SLC50A1: variants seen among roughly 807,000 people sequenced by gnomAD.
SLC50A1 encodes the protein sugar transporter SWEET1.
SLC50A1 carries 22 observed loss-of-function variants against 28.9 expected under a neutral mutation model. The observed-to-expected ratio is 0.76, with a 90% CI of 0.54 to 1.09. SLC50A1 has a LOEUF of 1.09. SLC50A1 is among the 50% of genes least tolerant of loss of function. SLC50A1 has a pLI of 0.00. For missense variants in SLC50A1, 233 were observed against 273.4 expected (o/e 0.85, Z 1.04); for synonymous variants, 96 against 110.6 (o/e 0.87, Z 0.83).
intron 2 of SLC50A1, 185 bp downstream of exon 2, chr1:155,136,561 G>A (rs1488393018): frequency 1.4e-6 from 1 of 691,906 alleles, no homozygotes; most frequent in African/African-American, 1.8e-5. Context: ...GGCTAACACG[G>A]TGAAACCCCG....
In SLC50A1 at chr1:155,138,779, G is replaced by A. The variant is rs753589826; in HGVS notation, c.*498G>A. 1.7e-4 allele frequency: 29 copies of A among 175,088 alleles called. No homozygotes were observed. Among genetic ancestry groups the A allele is most frequent in the South Asian group, 1.0e-3 (9 of 8,706 alleles). The allele number at this position is 175,088 out of a possible 1,614,324, so 10.8% of individuals were successfully genotyped here. ...GTGGAGGTTGCAGTGAGCTGAGATC[G>A]TGCCATTGTGATATGAATATGCCTT... On this transcript the variant is annotated 3_prime_UTR_variant, in exon 6 of 6. Coordinates refer to ENST00000368404, the MANE Select transcript of SLC50A1 (RefSeq NM_018845.4).
chr1:155,136,185 A>AGGGGG, intron 1 of SLC50A1, 114 bp from the exon 2 acceptor site: 1 of 208,940 alleles, frequency 4.8e-6, no homozygotes, highest in Non-Finnish European at 9.4e-6. Flanking sequence ...GGCGGGGGGG[A>AGGGGG]GAGGGGGCGG....
intron 2 of SLC50A1, 73 bp downstream of exon 2, chr1:155,136,449 G>A: frequency 3.5e-6 from 5 of 1,447,998 alleles, no homozygotes; most frequent in Middle Eastern, 1.8e-4. Context: ...AGGAGCAAGA[G>A]TGAAAGAGGT....
At chr1:155,136,183 G>T (rs1281351769) in intron 1 of SLC50A1, 116 bp from the exon 2 acceptor site, 1 of 637,016 alleles carries the variant, frequency 1.6e-6, no homozygotes. Context: ...CTGGCGGGGG[G>T]GAGAGGGGGC....
chr1:155,138,323 A>G lies in SLC50A1; in HGVS notation c.*42A>G, dbSNP rs747786757. Reference sequence around the variant, plus strand: ...ACTGGGCACCTTAGTGCCAACCTGAACCAAAGAGACCTCCTTGTTTCAGCT... The same window carrying G: ...ACTGGGCACCTTAGTGCCAACCTGAGCCAAAGAGACCTCCTTGTTTCAGCT... On this transcript the variant is annotated 3_prime_UTR_variant, in exon 6 of 6. Coordinates refer to ENST00000368404, the MANE Select transcript of SLC50A1 (RefSeq NM_018845.4). 2 of 1,583,946 alleles carry G rather than the reference A, an allele frequency of 1.3e-6. No individual in the cohort carries two copies. The highest frequency in any genetic ancestry group is 1.7e-6 in the Non-Finnish European group (2 of 1,157,254).
chr1:155,138,254 C>G lies in SLC50A1; in HGVS notation c.639C>G (p.Asp213Glu), dbSNP rs1571699832. The G allele has an allele frequency of 1.2e-6, 2 of 1,614,150 alleles. No homozygotes were observed. Among genetic ancestry groups the G allele is most frequent in the East Asian group, 2.2e-5 (1 of 44,878 alleles). Reference sequence around the variant, plus strand: ...TCTGGAAGTACCCCCAGGAGCAAGACAGGAACTACTGGCTCCTGCAAACCT... The same window carrying G: ...TCTGGAAGTACCCCCAGGAGCAAGAGAGGAACTACTGGCTCCTGCAAACCT... The part of the protein sequence containing the change: ...WLFWKYPQEQ[D>E]RNYWLLQT Residue 213 changes from aspartate to glutamate, a missense_variant, in exon 6 of 6, where the codon GAC (aspartate) becomes GAG (glutamate). Asp to Glu is a conservative substitution (Grantham distance 45, BLOSUM62 2). Coordinates refer to ENST00000368404, the MANE Select transcript of SLC50A1 (RefSeq NM_018845.4).
chr1:155,138,360 C>T lies in SLC50A1; in HGVS notation c.*79C>T. The T allele has an allele frequency of 7.4e-7, 1 of 1,350,334 alleles. No homozygotes were observed. The highest frequency in any genetic ancestry group is 1.2e-5 in the South Asian group (1 of 82,072). 83.6% of individuals were successfully genotyped at this position (1,350,334 alleles called of 1,614,324 possible). ...TCCTTGTTTCAGCTGGGCCTGCTGTCCAGCTTCCCAGGTGCAGTGGGTTGT... is the reference window on the plus strand; with the variant it reads ...TCCTTGTTTCAGCTGGGCCTGCTGTTCAGCTTCCCAGGTGCAGTGGGTTGT... On this transcript the variant is annotated 3_prime_UTR_variant, in exon 6 of 6. Transcript: ENST00000368404.
In SLC50A1 at chr1:155,138,263, C is replaced by T. The variant is rs201555499; in HGVS notation, c.648C>T (p.Tyr216=). ...WKYPQEQDRN[Y]WLLQT is the part of the protein sequence containing the mutation. The stretch of plus-strand genomic sequence containing the variant: ...ACCCCCAGGAGCAAGACAGGAACTA[C>T]TGGCTCCTGCAAACCTGAGGCTGCT... Residue 216 remains tyrosine (Y), a synonymous_variant, in exon 6 of 6, where the codon TAC becomes TAT. Coordinates refer to ENST00000368404, the MANE Select transcript of SLC50A1 (RefSeq NM_018845.4). 6.2e-7 allele frequency: 1 copy of T among 1,614,142 alleles called. No individual in the cohort carries two copies. Among genetic ancestry groups the T allele is most frequent in the East Asian group, 2.2e-5 (1 of 44,882 alleles).
chr1:155,136,751 A>G, intron 2 of SLC50A1, 77 bp from the exon 3 acceptor site: 1 of 1,561,458 alleles, frequency 6.4e-7, no homozygotes, highest in Middle Eastern at 1.7e-4. Context: ...TCAAAAAAAA[A>G]AAAAGAGTGA....
At chr1:155,135,748 G>A (rs1664398598), upstream of SLC50A1, 10 of 1,549,514 alleles carry the variant, frequency 6.5e-6, no homozygotes, top group Non-Finnish European at 8.7e-6. Flanking sequence ...GCGTCGGAGG[G>A]AGGGTGGGGC....
At chr1:155,135,657 G>A (rs959169148), upstream of SLC50A1, 17 of 1,550,436 alleles carry the variant, frequency 1.1e-5, no homozygotes, top group African/African-American at 1.4e-4. Flanking sequence ...CCCTAGGAAG[G>A]GGACTGACCG....
intron 2 of SLC50A1, 73 bp from the exon 3 acceptor site, chr1:155,136,755 A>C: frequency 4.5e-6 from 7 of 1,554,230 alleles, no homozygotes; most frequent in Middle Eastern, 1.7e-4. Flanking sequence ...AAAAAAAAAA[A>C]GAGTGAAAGA....
chr1:155,136,185 A>AGG (rs765044609), intron 1 of SLC50A1, 114 bp from the exon 2 acceptor site: 3 of 209,614 alleles, frequency 1.4e-5, no homozygotes, highest in South Asian at 3.3e-5. Flanking sequence ...GGCGGGGGGG[A>AGG]GAGGGGGCGG....
chr1:155,136,789 T>C (rs555744663), intron 2 of SLC50A1, 39 bp from the exon 3 acceptor site: 3 of 1,611,628 alleles, frequency 1.9e-6, no homozygotes, highest in Admixed American at 3.4e-5. Context: ...CCTCTCACAC[T>C]GAACCCTTTG....
Position 155,138,624 on chromosome 1 carries a change from A to G in SLC50A1, c.*343A>G. ...CGGATCGCCTGAGGTCAGGAGTTCA[A>G]GACCAACCTGACTAACATGGTGAAA... is the stretch of plus-strand genomic sequence containing the variant. On this transcript the variant is annotated 3_prime_UTR_variant, in exon 6 of 6. Coordinates refer to ENST00000368404, the MANE Select transcript of SLC50A1 (RefSeq NM_018845.4). 1 of 240,286 alleles carries G rather than the reference A, an allele frequency of 4.2e-6. No individual in the cohort carries two copies. The highest frequency in any genetic ancestry group is 8.3e-6 in the Non-Finnish European group (1 of 119,930). 14.9% of individuals were successfully genotyped at this position (240,286 alleles called of 1,614,324 possible). A position where few individuals can be genotyped will look rare whatever the true frequency, so the allele number is the denominator to read the frequency against.
At position 155,138,359 on chromosome 1, in the gene SLC50A1, TC is replaced by T; in HGVS notation, c.*80del. 1.5e-6 allele frequency: 2 copies of T among 1,369,182 alleles called. No homozygotes were observed. Among genetic ancestry groups the T allele is most frequent in the Non-Finnish European group, 2.0e-6 (2 of 975,858 alleles). 84.8% of individuals were successfully genotyped at this position (1,369,182 alleles called of 1,614,324 possible). A position where few individuals can be genotyped will look rare whatever the true frequency, so the allele number is the denominator to read the frequency against. On this transcript the variant is annotated 3_prime_UTR_variant, in exon 6 of 6. Transcript: ENST00000368404. ...CTCCTTGTTTCAGCTGGGCCTGCTG[TC>T]CAGCTTCCCAGGTGCAGTGGGTTGT...
Position 155,136,357 on chromosome 1 carries a change from T to C in SLC50A1, c.139T>C (p.Phe47Leu), listed in dbSNP as rs1265314242. The part of the protein sequence containing the change: ...RSVDNVQFLP[F>L]LTTEVNNLGW... The stretch of plus-strand genomic sequence containing the variant: ...TGTGGACAACGTCCAGTTCCTGCCC[T>C]TTCTCACCACGGAAGTCAAGTGAGG... Residue 47 changes from phenylalanine to leucine, a missense_variant, in exon 2 of 6, where the codon TTT becomes CTT. Coordinates refer to ENST00000368404, the MANE Select transcript of SLC50A1 (RefSeq NM_018845.4). The C allele has an allele frequency of 6.2e-7, 1 of 1,612,194 alleles. No individual in the cohort carries two copies. Among genetic ancestry groups the C allele is most frequent in the South Asian group, 1.1e-5 (1 of 90,640 alleles).
At chr1:155,135,812 C>T, upstream of SLC50A1, 1 of 1,570,804 alleles carries the variant, frequency 6.4e-7, no homozygotes, top group Non-Finnish European at 8.6e-7. Flanking sequence ...GAGCCGAGTG[C>T]GCGGGGCGGG....
In SLC50A1 at chr1:155,138,278, C is replaced by T. The variant is rs754067345; in HGVS notation, c.663C>T (p.Thr221=). The T allele has an allele frequency of 3.1e-6, 5 of 1,613,734 alleles. No individual in the cohort carries two copies. The highest frequency in any genetic ancestry group is 4.5e-5 in the East Asian group (2 of 44,894). The change falls in exon 6 of 6, where the codon ACC becomes ACT. Residue 221 remains threonine (T), a synonymous_variant. Transcript: ENST00000368404. ...ACAGGAACTACTGGCTCCTGCAAAC[C>T]TGAGGCTGCTCATCTGACCACTGGG... The part of the protein sequence containing the change: ...EQDRNYWLLQ[T]
Sources: allele counts gnomAD v4.1 joint callset, GRCh38; gene constraint gnomAD v4.1.1; transcripts MANE v1.5; gene names NCBI Gene and HGNC (gene_info 2026-07-23, HGNC 2026-07-21).